CDC42SE2: variants seen among roughly 807,000 people sequenced by gnomAD.
The protein encoded by CDC42SE2 is CDC42 small effector protein 2.
In CDC42SE2, 3 loss-of-function variants were observed where a neutral mutation model predicts 11.5. That is an observed-to-expected ratio of 0.26 (90% CI 0.12 to 0.67). The LOEUF (loss-of-function observed/expected upper bound fraction) is 0.67. Among genes scored for constraint, CDC42SE2 ranks in the 30% least tolerant of loss-of-function variants. The pLI, the probability that CDC42SE2 is intolerant of heterozygous loss-of-function variation, is 0.80. For missense variants in CDC42SE2, 82 were observed against 106.8 expected (o/e 0.77, Z 1.02); for synonymous variants, 33 against 34.8 (o/e 0.95, Z 0.18).
chr5:131,299,694 A>C (rs1054683380), intron 1 of CDC42SE2, among the ~76,000 whole-genome samples: 1 of 151,208 alleles, frequency 6.6e-6, no homozygotes, highest in Non-Finnish European at 1.5e-5. Context: ...TGGGCTGGAG[A>C]CAGCTGTGGG....
chr5:131,359,035 A>C (rs1749633846), intron 2 of CDC42SE2, among the ~76,000 whole-genome samples, 174 bp from the exon 3 acceptor site: 1 of 152,240 alleles, frequency 6.6e-6, no homozygotes, highest in South Asian at 2.1e-4. Context: ...TACACCTAGA[A>C]CTTGACACTT....
intron 3 of CDC42SE2, among the ~76,000 whole-genome samples, chr5:131,372,006 T>C (rs929016730): frequency 1.3e-5 from 2 of 152,214 alleles, no homozygotes; most frequent in African/African-American, 4.8e-5. Flanking sequence ...TCCCCATCAC[T>C]GTTTGTTTTG....
intron 1 of CDC42SE2, among the ~76,000 whole-genome samples, chr5:131,308,868 C>A (rs1290039151): frequency 1.6e-4 from 25 of 152,006 alleles, no homozygotes; most frequent in South Asian, 4.2e-4. Flanking sequence ...GGTTTTCTAG[C>A]TATACAATCA....
Position 131,391,123 on chromosome 5 carries a change from C to A in CDC42SE2, c.*32C>A. The A allele has an allele frequency of 6.5e-7, 1 of 1,532,722 alleles. No homozygotes were observed. The highest frequency in any genetic ancestry group is 9.0e-7 in the Non-Finnish European group (1 of 1,108,282). The allele number at this position is 1,532,722 out of a possible 1,614,324, so 94.9% of individuals were successfully genotyped here. A position where few individuals can be genotyped will look rare whatever the true frequency, so the allele number is the denominator to read the frequency against. ...TCCTTTCTCCAGTGAGTACTCAGAGCTGGGGTCTGGACCTGACGGCCAGAC... is the reference window on the plus strand; with the variant it reads ...TCCTTTCTCCAGTGAGTACTCAGAGATGGGGTCTGGACCTGACGGCCAGAC... On this transcript the variant is annotated 3_prime_UTR_variant, in exon 5 of 5. Transcript: ENST00000505065.
chr5:131,336,629 T>C (rs1450009764), intron 2 of CDC42SE2, among the ~76,000 whole-genome samples: 5 of 152,226 alleles, frequency 3.3e-5, no homozygotes, highest in Admixed American at 1.3e-4. Context: ...ATATTTGGTC[T>C]TTTCACATAG....
At chr5:131,312,772 T>G (rs1757952413) in intron 1 of CDC42SE2, among the ~76,000 whole-genome samples, 1 of 152,128 alleles carries the variant, frequency 6.6e-6, no homozygotes, top group South Asian at 2.1e-4. Flanking sequence ...ACTTCCCGAG[T>G]GAGGCAATGC....
At chr5:131,366,369 T>G (rs1749856534) in intron 3 of CDC42SE2, among the ~76,000 whole-genome samples, 1 of 152,192 alleles carries the variant, frequency 6.6e-6, no homozygotes, top group African/African-American at 2.4e-5. Context: ...GTTGGTAAGC[T>G]AGTGTCCATA....
chr5:131,297,405 T>C (rs1757592013), intron 1 of CDC42SE2, among the ~76,000 whole-genome samples: 1 of 152,254 alleles, frequency 6.6e-6, no homozygotes, highest in South Asian at 2.1e-4. Flanking sequence ...TATTTGTTAG[T>C]GTACAAAGTC....
intron 2 of CDC42SE2, among the ~76,000 whole-genome samples, chr5:131,338,170 C>T (rs957849201): frequency 8.5e-5 from 13 of 152,338 alleles, no homozygotes; most frequent in African/African-American, 2.6e-4. Context: ...TAATCACCAC[C>T]AGTTTGTAAA....
chr5:131,214,768 G>C, the CDC42SE2 span, among the ~76,000 whole-genome samples: 1 of 152,244 alleles, frequency 6.6e-6, no homozygotes, highest in African/African-American at 2.4e-5. Context: ...GGGCAGGCCT[G>C]CCCCAGGGAA....
chr5:131,328,216 G>A (rs1292677521), intron 2 of CDC42SE2, among the ~76,000 whole-genome samples: 1 of 152,120 alleles, frequency 6.6e-6, no homozygotes, highest in Non-Finnish European at 1.5e-5. Flanking sequence ...AAGGATTATG[G>A]ATAAAGGATT....
At chr5:131,305,630 T>A (rs779313956) in intron 1 of CDC42SE2, among the ~76,000 whole-genome samples, 1 of 152,196 alleles carries the variant, frequency 6.6e-6, no homozygotes, top group Non-Finnish European at 1.5e-5. Flanking sequence ...TCAGTTTGAG[T>A]TCCTTATATA....
rs148384937 is a variant in CDC42SE2 at position 131,391,083 on chromosome 5, G to T, written c.247G>T (p.Ala83Ser). 1 of 1,611,994 alleles carries T rather than the reference G, an allele frequency of 6.2e-7. No individual in the cohort carries two copies. The highest frequency in any genetic ancestry group is 8.5e-7 in the Non-Finnish European group (1 of 1,178,608). ...NVQMQLVDTK[A>S]G is the part of the protein sequence containing the mutation. Reference sequence around the variant, plus strand: ...CCAGATGCAGCTCGTGGATACGAAGGCGGGATAGCCCTGGTCCTTTCTCCA... The same window carrying T: ...CCAGATGCAGCTCGTGGATACGAAGTCGGGATAGCCCTGGTCCTTTCTCCA... The change falls in exon 5 of 5, where the codon GCG becomes TCG. Residue 83 changes from alanine to serine, a missense_variant. By Grantham distance (99) the Ala-to-Ser change is moderately conservative (BLOSUM62 1). Coordinates refer to ENST00000505065, the MANE Select transcript of CDC42SE2 (RefSeq NM_001375635.1).
At chr5:131,247,631 T>A (rs745424503) in intron 1 of CDC42SE2, among the ~76,000 whole-genome samples, 44 of 151,858 alleles carry the variant, frequency 2.9e-4, no homozygotes, top group Middle Eastern at 3.4e-3. Context: ...AAAAAAAAAA[T>A]GTAAAACAAT....
chr5:131,291,976 G>T (rs1271385096), intron 1 of CDC42SE2, among the ~76,000 whole-genome samples: 17 of 152,088 alleles, frequency 1.1e-4, no homozygotes, highest in Non-Finnish European at 1.5e-4. Context: ...GGGTGTGGTG[G>T]CTCACACCTG....
chr5:131,350,106 G>A (rs1209459115), intron 2 of CDC42SE2, among the ~76,000 whole-genome samples: 1 of 151,980 alleles, frequency 6.6e-6, no homozygotes, highest in African/African-American at 2.4e-5. Flanking sequence ...TTTGTTTAAT[G>A]TGTACAAGGG....
At chr5:131,217,783 G>T in the CDC42SE2 span, among the ~76,000 whole-genome samples, 1 of 152,112 alleles carries the variant, frequency 6.6e-6, no homozygotes, top group African/African-American at 2.4e-5. Context: ...AAATGAATAG[G>T]CAAGCTCTAG....
At chr5:131,300,411 GTA>G (rs1274261473) in intron 1 of CDC42SE2, among the ~76,000 whole-genome samples, 2 of 152,288 alleles carry the variant, frequency 1.3e-5, no homozygotes, top group East Asian at 3.9e-4. Flanking sequence ...AATCTTGACA[GTA>G]TTTTAGTTAT....
the CDC42SE2 span, among the ~76,000 whole-genome samples, chr5:131,225,307 G>A: frequency 6.6e-6 from 1 of 152,178 alleles, no homozygotes; most frequent in Non-Finnish European, 1.5e-5. Flanking sequence ...CGGGATTTCA[G>A]GCCTAAATAT....
Sources: gnomAD v4.1 joint callset for allele counts (sites outside exome capture counted in the v4.1 genomes callset) on GRCh38, gnomAD v4.1.1 for gene constraint, MANE v1.5 for transcripts, NCBI Gene and HGNC (gene_info 2026-07-23, HGNC 2026-07-21) for gene names.